KLRD1: variants seen among roughly 807,000 people sequenced by gnomAD.
KLRD1 encodes the protein natural killer cells antigen CD94.
A neutral mutation model predicts 22.6 loss-of-function variants in KLRD1; 21 were observed. The ratio of observed to expected loss-of-function variants is 0.93; its 90% CI spans 0.66 to 1.34. The LOEUF is 1.34. Among genes scored for constraint, KLRD1 ranks in the 40% most tolerant of loss-of-function variants. The probability of loss-of-function intolerance (pLI) is 0.00; values close to 1 mark genes in which losing one functional copy is unlikely to be tolerated. For missense variants in KLRD1, 183 were observed against 208.6 expected, an observed-to-expected ratio of 0.88 and a Z score of 0.76; for synonymous variants, 59 against 71.1, an observed-to-expected ratio of 0.83 and a Z score of 0.85.
chr12:10,250,631 T>A (rs1000270753), intron 1 of KLRD1, among the ~76,000 whole-genome samples: 1 of 151,960 alleles, frequency 6.6e-6, no homozygotes, highest in African/African-American at 2.4e-5. Context: ...CTAATTTTTG[T>A]ATTTGTCCCA....
chr12:10,297,341 C>T (rs935479588), intron 1 of KLRD1, among the ~76,000 whole-genome samples: 1 of 152,104 alleles, frequency 6.6e-6, no homozygotes, highest in Admixed American at 6.5e-5. Flanking sequence ...AAAAACAAAA[C>T]CTCTTAAATT....
At chr12:10,278,975 A>G (rs1052191824) in intron 1 of KLRD1, among the ~76,000 whole-genome samples, 25 of 146,282 alleles carry the variant, frequency 1.7e-4, no homozygotes, top group Admixed American at 1.0e-3. Context: ...TTGTAAAAAC[A>G]TGTTAGCATC....
chr12:10,285,810 A>G (rs1592058642), intron 1 of KLRD1, among the ~76,000 whole-genome samples: 1 of 152,124 alleles, frequency 6.6e-6, no homozygotes, highest in South Asian at 2.1e-4. Flanking sequence ...TAACAGGTAA[A>G]TATTGTCACA....
intron 1 of KLRD1, among the ~76,000 whole-genome samples, chr12:10,240,041 C>G (rs1049730332): frequency 6.6e-6 from 1 of 151,334 alleles, no homozygotes; most frequent in Non-Finnish European, 1.5e-5. Context: ...CAAGGTGTTC[C>G]GGGATAATCA....
chr12:10,301,366 C>T (rs79513651), upstream of KLRD1, among the ~76,000 whole-genome samples: 9,227 of 152,208 alleles, frequency 0.061, 337 homozygotes, highest in East Asian at 0.16. Context: ...GTGTGGAGGG[C>T]CCGGTGAGAA....
chr12:10,270,430 G>A (rs1182284990), intron 1 of KLRD1, among the ~76,000 whole-genome samples: 2 of 152,128 alleles, frequency 1.3e-5, no homozygotes, highest in African/African-American at 4.8e-5. Flanking sequence ...CAGCAACAAT[G>A]CACCATGGAG....
At chr12:10,255,023 C>G (rs1208713233) in intron 1 of KLRD1, among the ~76,000 whole-genome samples, 1 of 150,130 alleles carries the variant, frequency 6.7e-6, no homozygotes, top group Non-Finnish European at 1.5e-5. Context: ...TAGAAAAATG[C>G]AAATCAAAAC....
Position 10,323,521 on chromosome 12 carries a change from A to G in KLRD1, c.*8728A>G, listed in dbSNP as rs1950329569. The G allele has an allele frequency of 6.6e-6, 1 of 151,962 alleles. No homozygotes were observed. Among genetic ancestry groups the G allele is most frequent in the African/African-American group, 2.4e-5 (1 of 41,386 alleles). The allele number at this position is 151,962 out of a possible 1,614,324, so 9.4% of individuals were successfully genotyped here. ...TTATTTTTAACAGCGCTGTTGCAGTATAATTGAGATACTTTAAGCATACTT... is the reference window on the plus strand; with the variant it reads ...TTATTTTTAACAGCGCTGTTGCAGTGTAATTGAGATACTTTAAGCATACTT... On this transcript the variant is annotated 3_prime_UTR_variant, in exon 6 of 6. Transcript: ENST00000336164.
Position 10,325,833 on chromosome 12 carries a change from A to T in KLRD1, c.*11040A>T, listed in dbSNP as rs1337138822. Reference sequence around the variant, plus strand: ...AATTCTTTTGCATAATTACCCAGAAAGGGGATTGGTGGATCATATGGTAGT... The same window carrying T: ...AATTCTTTTGCATAATTACCCAGAATGGGGATTGGTGGATCATATGGTAGT... On this transcript the variant is annotated 3_prime_UTR_variant, in exon 6 of 6. Coordinates refer to ENST00000336164, the MANE Select transcript of KLRD1 (RefSeq NM_002262.5). 6.6e-6 allele frequency: 1 copy of T among 152,204 alleles called. No homozygotes were observed. The highest frequency in any genetic ancestry group is 1.5e-5 in the Non-Finnish European group (1 of 68,032). 9.4% of individuals were successfully genotyped at this position (152,204 alleles called of 1,614,324 possible). A position where few individuals can be genotyped will look rare whatever the true frequency, so the allele number is the denominator to read the frequency against.
intron 1 of KLRD1, among the ~76,000 whole-genome samples, chr12:10,296,527 TAAAAA>T (rs971655350): frequency 6.6e-6 from 1 of 150,780 alleles, no homozygotes; most frequent in African/African-American, 2.4e-5. Flanking sequence ...AAAATAAAAA[TAAAAA>T]AAACCACACA....
In KLRD1 at chr12:10,316,988, G is replaced by A. The variant is rs1178130200; in HGVS notation, c.*2195G>A. On this transcript the variant is annotated 3_prime_UTR_variant, in exon 6 of 6. Coordinates refer to ENST00000336164, the MANE Select transcript of KLRD1 (RefSeq NM_002262.5). ...GTGATGTTCACCTCCCTGTGTCCAT[G>A]TGTTCTCATTGTTCAACTCCCACTT... 1 of 150,638 alleles carries A rather than the reference G, an allele frequency of 6.6e-6. No homozygotes were observed. Among genetic ancestry groups the A allele is most frequent in the East Asian group, 2.0e-4 (1 of 5,102 alleles). 9.3% of individuals were successfully genotyped at this position (150,638 alleles called of 1,614,324 possible). A position where few individuals can be genotyped will look rare whatever the true frequency, so the allele number is the denominator to read the frequency against.
At chr12:10,267,083 CT>C in intron 1 of KLRD1, among the ~76,000 whole-genome samples, 1 of 148,578 alleles carries the variant, frequency 6.7e-6, no homozygotes. Context: ...TCCCTCCCCC[CT>C]CCCAGTAGCC....
At position 10,246,515 on chromosome 12, in the gene KLRD1, T is replaced by C. The variant is rs796903094; in HGVS notation, c.-101+20282T>C. On this transcript the variant is annotated intron_variant, in intron 1 of 5. Coordinates refer to the KLRD1 transcript ENST00000544747. Reference sequence around the variant, plus strand: ...CACAAGATAGGGTAGGAAACATGATTTGTGACCTGTCTGAGAAAACTCTTC... The same window carrying C: ...CACAAGATAGGGTAGGAAACATGATCTGTGACCTGTCTGAGAAAACTCTTC... Among the ~76,000 whole-genome samples the C allele has an allele frequency of 3.9e-5, 6 of 152,276 alleles. No homozygotes were observed. The South Asian group carries it at 1.0e-3, about 26-fold the overall frequency.
Position 10,278,709 on chromosome 12 carries a change from C to T in KLRD1, c.-100-29269C>T, listed in dbSNP as rs116281943. ...TTAAATTATATCCTTCCGAAAACTGCCACTTAAGTAAAGTTATTTGCTACT... is the reference window on the plus strand; with the variant it reads ...TTAAATTATATCCTTCCGAAAACTGTCACTTAAGTAAAGTTATTTGCTACT... On this transcript the variant is annotated intron_variant, in intron 1 of 5. Transcript: ENST00000544747. Among the ~76,000 whole-genome samples, 971 of 152,264 alleles carry T rather than the reference C, an allele frequency of 6.4e-3. 11 individuals carry two copies. The highest frequency in any genetic ancestry group is 0.022 in the African/African-American group (911 of 41,562).
intron 1 of KLRD1, among the ~76,000 whole-genome samples, chr12:10,259,853 A>G (rs1490747269): frequency 1.3e-5 from 2 of 152,092 alleles, no homozygotes; most frequent in Non-Finnish European, 1.5e-5. Flanking sequence ...GTAATCCCAG[A>G]TACTTGGGAG....
At chr12:10,286,615 T>G (rs949256538) in intron 1 of KLRD1, among the ~76,000 whole-genome samples, 1 of 151,150 alleles carries the variant, frequency 6.6e-6, no homozygotes. Flanking sequence ...AAATTAGTTT[T>G]GAATGCAAAA....
chr12:10,256,561 A>G (rs1949398348), intron 1 of KLRD1, among the ~76,000 whole-genome samples: 1 of 151,624 alleles, frequency 6.6e-6, no homozygotes, highest in Non-Finnish European at 1.5e-5. Flanking sequence ...AATCAATACT[A>G]ACAACTTCAG....
At position 10,316,875 on chromosome 12, in the gene KLRD1, C is replaced by G. The variant is rs1950242368; in HGVS notation, c.*2082C>G. The G allele has an allele frequency of 6.6e-6, 1 of 152,104 alleles. No individual in the cohort carries two copies. The allele number at this position is 152,104 out of a possible 1,614,324, so 9.4% of individuals were successfully genotyped here. ...TGGTTTGCTGCACCTATTGACCCATCATCTAGGTTTTAAGTCCCACATGCA... is the reference window on the plus strand; with the variant it reads ...TGGTTTGCTGCACCTATTGACCCATGATCTAGGTTTTAAGTCCCACATGCA... On this transcript the variant is annotated 3_prime_UTR_variant, in exon 6 of 6. Transcript: ENST00000336164.
At position 10,292,276 on chromosome 12, in the gene KLRD1, A is replaced by G. The variant is rs538676803; in HGVS notation, c.-100-15702A>G. Among the ~76,000 whole-genome samples, 388 of 152,372 alleles carry G rather than the reference A, an allele frequency of 2.5e-3. 1 individual carries two copies. Among genetic ancestry groups the G allele is most frequent in the African/African-American group, 8.9e-3 (369 of 41,596 alleles). On this transcript the variant is annotated intron_variant, in intron 1 of 5. Transcript: ENST00000544747. ...CCTCCCATGAACCACAAGTGTTCTT[A>G]AATGGAATCTAGAATAGTGAAGCCT...
Sources: gnomAD v4.1 joint callset for allele counts (sites outside exome capture counted in the v4.1 genomes callset) on GRCh38, gnomAD v4.1.1 for gene constraint, MANE v1.5 for transcripts, NCBI Gene and HGNC (gene_info 2026-07-23, HGNC 2026-07-21) for gene names.